ADAMTS2: variants seen among roughly 807,000 people sequenced by gnomAD.
ADAMTS2 encodes ADAM metallopeptidase with thrombospondin type 1 motif 2.
ADAMTS2 carries 50 observed loss-of-function variants against 123.0 expected under a neutral mutation model. The observed-to-expected ratio is 0.41, with a 90% CI of 0.32 to 0.51. The LOEUF (loss-of-function observed/expected upper bound fraction) is 0.51. ADAMTS2 is among the 20% of genes least tolerant of loss of function. The pLI, the probability that ADAMTS2 is intolerant of heterozygous loss-of-function variation, is 0.35. For synonymous variants in ADAMTS2, 678 were observed against 695.4 expected (o/e 0.98, Z 0.39); for missense variants, 1,494 against 1,705.2 (o/e 0.88, Z 2.18).
At chr5:179,297,903 C>G (rs989444480) in intron 2 of ADAMTS2, among the ~76,000 whole-genome samples, 1 of 152,176 alleles carries the variant, frequency 6.6e-6, no homozygotes. Context: ...TCCCCTCCAG[C>G]CACAGGACCT....
intron 2 of ADAMTS2, among the ~76,000 whole-genome samples, chr5:179,322,557 C>T (rs903135456): frequency 4.6e-5 from 7 of 152,192 alleles, no homozygotes; most frequent in South Asian, 2.1e-4. Flanking sequence ...CACCGGGAGA[C>T]GCGAGGAGGC....
At chr5:179,223,558 A>G (rs1364283599) in intron 3 of ADAMTS2, among the ~76,000 whole-genome samples, 3 of 150,848 alleles carry the variant, frequency 2.0e-5, no homozygotes, top group Non-Finnish European at 4.4e-5. Context: ...ATGCACTCAC[A>G]CACACGCGAA....
At chr5:179,315,523 G>A (rs2113583342) in intron 2 of ADAMTS2, among the ~76,000 whole-genome samples, 1 of 152,362 alleles carries the variant, frequency 6.6e-6, no homozygotes, top group African/African-American at 2.4e-5. Context: ...AGAAGCCAGA[G>A]CTAGAAGCTG....
intron 5 of ADAMTS2, among the ~76,000 whole-genome samples, chr5:179,177,636 C>T (rs1763959998): frequency 6.6e-6 from 1 of 152,136 alleles, no homozygotes; most frequent in Non-Finnish European, 1.5e-5. Flanking sequence ...TCCTCAATTT[C>T]CCCAGGATCT....
chr5:179,172,969 C>G (rs1455798147), intron 5 of ADAMTS2, among the ~76,000 whole-genome samples: 1 of 151,212 alleles, frequency 6.6e-6, no homozygotes, highest in Non-Finnish European at 1.5e-5. Context: ...CTATGGGAGG[C>G]AGAGGCAGGA....
At chr5:179,190,686 G>A (rs772680030) in intron 4 of ADAMTS2, among the ~76,000 whole-genome samples, 19 of 152,346 alleles carry the variant, frequency 1.2e-4, no homozygotes, top group East Asian at 1.9e-4. Context: ...CTCTTCACAC[G>A]GACATGCGTG....
At chr5:179,337,934 C>T (rs1046240684) in intron 2 of ADAMTS2, among the ~76,000 whole-genome samples, 7 of 151,110 alleles carry the variant, frequency 4.6e-5, no homozygotes, top group Admixed American at 6.6e-5. Flanking sequence ...TGGGTGAGGA[C>T]CTGGCCTTCA....
chr5:179,321,504 C>CT (rs143636149), intron 2 of ADAMTS2, among the ~76,000 whole-genome samples: 1,907 of 152,256 alleles, frequency 0.013, 36 homozygotes, highest in African/African-American at 0.04. Context: ...CCTCTTGAAC[C>CT]TCTCTCATCC....
In ADAMTS2 at chr5:179,343,943, G is replaced by T; in HGVS notation, c.358C>A (p.Leu120Met). Residue 120 changes from leucine (L) to methionine (M), a missense_variant, in exon 2 of 22, where the codon CTG becomes ATG. By Grantham distance (15) the Leu-to-Met change is conservative (BLOSUM62 2). Transcript: ENST00000251582. ...FYNVTVFGRD[L>M]HLRLRPNARL... Reference sequence around the variant, plus strand: ...GCGTTGGGCCGCAGCCGCAGGTGCAGGTCTCGGCCAAAGACCGTGACATTG... The same window carrying T: ...GCGTTGGGCCGCAGCCGCAGGTGCATGTCTCGGCCAAAGACCGTGACATTG... 1 of 1,611,180 alleles carries T rather than the reference G, an allele frequency of 6.2e-7. No individual in the cohort carries two copies. The highest frequency in any genetic ancestry group is 8.5e-7 in the Non-Finnish European group (1 of 1,179,460).
rs1756588780 is a variant in ADAMTS2 at position 179,303,574 on chromosome 5, G to A, written c.535-30510C>T. 6.6e-6 allele frequency among the ~76,000 whole-genome samples: 1 copy of A among 152,246 alleles called. No individual in the cohort carries two copies. The highest frequency in any genetic ancestry group is 1.5e-5 in the Non-Finnish European group (1 of 68,044). ...GACAGAGCTCGAGACAAGCCCTGTTGTTGTAGCTCAAGGATAGAAAAAGCA... is the reference window on the plus strand; with the variant it reads ...GACAGAGCTCGAGACAAGCCCTGTTATTGTAGCTCAAGGATAGAAAAAGCA... On this transcript the variant is annotated intron_variant, in intron 2 of 21. Coordinates refer to ENST00000251582, the MANE Select transcript of ADAMTS2 (RefSeq NM_014244.5). The surrounding 1 kb of genome is among the most constrained non-coding windows in gnomAD (Gnocchi z 4.7).
chr5:179,132,810 T>G lies in ADAMTS2; in HGVS notation c.2176A>C (p.Lys726Gln), dbSNP rs1405657100. ...GGDNSHCKVV[K>Q]GTFTRSPKKH... Reference sequence around the variant, plus strand: ...TTGGGTGACCGTGTGAACGTGCCCTTGACCACTTTGCAGTGGCTGTTGTCC... The same window carrying G: ...TTGGGTGACCGTGTGAACGTGCCCTGGACCACTTTGCAGTGGCTGTTGTCC... Residue 726 changes from lysine to glutamine, a missense_variant, in exon 14 of 22, where the codon AAG becomes CAG. Lys to Gln is a moderately conservative substitution (Grantham distance 53, BLOSUM62 1). Coordinates refer to ENST00000251582, the MANE Select transcript of ADAMTS2 (RefSeq NM_014244.5). The surrounding 1 kb of genome is among the most constrained non-coding windows in gnomAD (Gnocchi z 6.1). 1 of 1,614,122 alleles carries G rather than the reference T, an allele frequency of 6.2e-7. No homozygotes were observed. Among genetic ancestry groups the G allele is most frequent in the Middle Eastern group, 1.7e-4 (1 of 6,060 alleles).
intron 4 of ADAMTS2, among the ~76,000 whole-genome samples, chr5:179,193,299 T>C (rs970602883): frequency 6.6e-6 from 1 of 152,224 alleles, no homozygotes; most frequent in African/African-American, 2.4e-5. Flanking sequence ...TGGTCGGCTC[T>C]GATCTTCTCC....
At chr5:179,337,521 C>A (rs557693355) in intron 2 of ADAMTS2, among the ~76,000 whole-genome samples, 1 of 152,234 alleles carries the variant, frequency 6.6e-6, no homozygotes, top group Non-Finnish European at 1.5e-5. Context: ...GCCCAGGACA[C>A]GCACACGTCC....
At chr5:179,205,680 A>G (rs1764667825) in intron 4 of ADAMTS2, among the ~76,000 whole-genome samples, 1 of 152,248 alleles carries the variant, frequency 6.6e-6, no homozygotes, top group African/African-American at 2.4e-5. Context: ...AAGATAATTT[A>G]GCATGGCAAG....
chr5:179,185,473 C>A lies in ADAMTS2; in HGVS notation c.892-4318G>T, dbSNP rs1364299085. ...TCTCCTGGCTCCTGGCCAGGCCCTG[C>A]CCCTCAGGACGCAAGATCTTCCCAC... is the stretch of plus-strand genomic sequence containing the variant. On this transcript the variant is annotated intron_variant, in intron 4 of 21. Coordinates refer to ENST00000251582, the MANE Select transcript of ADAMTS2 (RefSeq NM_014244.5). The surrounding 1 kb of genome is among the most constrained non-coding windows in gnomAD (Gnocchi z 5.9). 6.6e-6 allele frequency among the ~76,000 whole-genome samples: 1 copy of A among 152,060 alleles called. No homozygotes were observed. The highest frequency in any genetic ancestry group is 2.4e-5 in the African/African-American group (1 of 41,406).
intron 3 of ADAMTS2, among the ~76,000 whole-genome samples, chr5:179,271,382 C>T (rs901649178): frequency 2.0e-5 from 3 of 152,192 alleles, no homozygotes; most frequent in Non-Finnish European, 2.9e-5. Context: ...GCCAGAAGCA[C>T]CAAGCCCACA....
chr5:179,153,447 C>A (rs1300620088), intron 9 of ADAMTS2, 44 bp downstream of exon 9: 1 of 1,599,668 alleles, frequency 6.3e-7, no homozygotes, highest in Admixed American at 1.7e-5. Context: ...AGCACGCCTC[C>A]CCCCAGACCT....
At chr5:179,183,997 T>C (rs570632618) in intron 4 of ADAMTS2, among the ~76,000 whole-genome samples, 1 of 152,290 alleles carries the variant, frequency 6.6e-6, no homozygotes, top group Admixed American at 6.5e-5. Context: ...ATGACCCAGC[T>C]GGCAACATGA....
chr5:179,294,350 C>A (rs1756273257), intron 2 of ADAMTS2, among the ~76,000 whole-genome samples: 1 of 152,218 alleles, frequency 6.6e-6, no homozygotes, highest in South Asian at 2.1e-4. Flanking sequence ...GTCCAGCCAG[C>A]CAATTATTTT....
Sources: allele counts gnomAD v4.1 joint callset (sites outside exome capture counted in the v4.1 genomes callset), GRCh38; gene constraint gnomAD v4.1.1; non-coding constraint Gnocchi (gnomAD v3.1); transcripts MANE v1.5; gene names NCBI Gene and HGNC (gene_info 2026-07-23, HGNC 2026-07-21).